MKLN1: variants seen among roughly 807,000 people sequenced by gnomAD.
The protein encoded by MKLN1 is muskelin 1.
MKLN1 carries 18 observed loss-of-function variants against 99.0 expected under a neutral mutation model. That is an observed-to-expected ratio of 0.18 (90% CI 0.13 to 0.27). The LOEUF is 0.27. Among genes scored for constraint, MKLN1 ranks in the 10% least tolerant of loss-of-function variants. The pLI is 1.00. For synonymous variants in MKLN1, 288 were observed against 293.2 expected (o/e 0.98, Z 0.18); for missense variants, 621 against 875.9 (o/e 0.71, Z 3.67).
chr7:131,305,320 G>A (rs570067774), intron 3 of MKLN1, among the ~76,000 whole-genome samples: 3 of 152,226 alleles, frequency 2.0e-5, no homozygotes, highest in African/African-American at 7.2e-5. Flanking sequence ...TGTTTGTTTT[G>A]CTTTGTTAAC....
chr7:131,471,460 A>G (rs537994948), intron 16 of MKLN1, among the ~76,000 whole-genome samples: 2 of 152,358 alleles, frequency 1.3e-5, no homozygotes, highest in African/African-American at 2.4e-5. Flanking sequence ...ATTCATCACT[A>G]GTTGCTAAGA....
In MKLN1 at chr7:131,490,670, G is replaced by A. The variant is rs1797401028; in HGVS notation, c.*2942G>A. The A allele has an allele frequency of 6.6e-6, 1 of 152,516 alleles. No homozygotes were observed. The highest frequency in any genetic ancestry group is 1.5e-5 in the Non-Finnish European group (1 of 68,000). The allele number at this position is 152,516 out of a possible 1,614,324, so 9.4% of individuals were successfully genotyped here. ...TGTCCATGTCTAATAAGTAAAAACT[G>A]ATAGAATACATTAAAAAGTCACTGG... On this transcript the variant is annotated 3_prime_UTR_variant, in exon 18 of 18. Transcript: ENST00000352689.
At chr7:131,193,287 A>T (rs1408967712) in intron 2 of MKLN1, among the ~76,000 whole-genome samples, 3 of 152,152 alleles carry the variant, frequency 2.0e-5, no homozygotes, top group Non-Finnish European at 4.4e-5. Context: ...GCAATTATTT[A>T]TCTAGGAACC....
At chr7:131,370,315 A>G (rs917693979) in intron 1 of MKLN1, among the ~76,000 whole-genome samples, 13 of 145,590 alleles carry the variant, frequency 8.9e-5, no homozygotes, top group Admixed American at 2.0e-4. Flanking sequence ...TCTCTGAGCT[A>G]TTGTTTTTTT....
intron 1 of MKLN1, among the ~76,000 whole-genome samples, chr7:131,345,175 A>C (rs1483948440): frequency 6.6e-6 from 1 of 152,210 alleles, no homozygotes; most frequent in African/African-American, 2.4e-5. Context: ...GAAGGTGGTA[A>C]AAAAAATTAG....
rs527702723 is a variant in MKLN1, at chr7:131,400,518, A to AAAAATAT, written c.703+1086_703+1087insAAATATA. The stretch of plus-strand genomic sequence containing the variant: ...TTTAAAATGCTACCAATAAAAAAAA[A>AAAAATAT]ATATATATATATATATATATATGCC... On this transcript the variant is annotated intron_variant, in intron 6 of 17. Coordinates refer to ENST00000352689, the MANE Select transcript of MKLN1 (RefSeq NM_013255.5). 3.2e-3 allele frequency among the ~76,000 whole-genome samples: 441 copies of AAAAATAT among 137,408 alleles called. 2 individuals are homozygous for AAAAATAT. Among genetic ancestry groups the AAAAATAT allele is most frequent in the African/African-American group, 1.0e-2 (356 of 35,646 alleles). 90.1% of individuals were successfully genotyped at this position (137,408 alleles called of 152,430 possible).
At chr7:131,374,397 A>G (rs1385824985) in intron 1 of MKLN1, among the ~76,000 whole-genome samples, 1 of 152,126 alleles carries the variant, frequency 6.6e-6, no homozygotes, top group Non-Finnish European at 1.5e-5. Flanking sequence ...TATTTATATT[A>G]TATTACGGTA....
At chr7:131,428,665 A>G (rs1795430253) in intron 8 of MKLN1, among the ~76,000 whole-genome samples, 2 of 152,190 alleles carry the variant, frequency 1.3e-5, no homozygotes, top group Admixed American at 1.3e-4. Flanking sequence ...GTAAATGTAA[A>G]GTTTTCAAGG....
At chr7:131,465,632 G>A (rs953972886) in intron 14 of MKLN1, among the ~76,000 whole-genome samples, 3 of 151,940 alleles carry the variant, frequency 2.0e-5, no homozygotes, top group Non-Finnish European at 4.4e-5. Context: ...TCTGCCCCCT[G>A]GGTTCACATC....
intron 3 of MKLN1, among the ~76,000 whole-genome samples, chr7:131,304,965 C>G (rs978067523): frequency 5.9e-5 from 9 of 152,266 alleles, no homozygotes; most frequent in South Asian, 4.1e-4. Flanking sequence ...TAGGCAGGCC[C>G]CCTTTTTGCC....
At chr7:131,127,503 C>T (rs146411426) in intron 1 of MKLN1, among the ~76,000 whole-genome samples, 40 of 152,256 alleles carry the variant, frequency 2.6e-4, no homozygotes, top group African/African-American at 8.9e-4. Flanking sequence ...ACAGAAGCCA[C>T]GTCACTGAAC....
rs190738052 is a variant in MKLN1, at chr7:131,402,770, G to T, written c.703+3337G>T. Among the ~76,000 whole-genome samples, 7 of 152,286 alleles carry T rather than the reference G, an allele frequency of 4.6e-5. No individual in the cohort carries two copies. In the East Asian group the frequency reaches 1.4e-3, roughly 29 times the overall value. ...GTCAGTGAGCAGTAATATTTTGAAA[G>T]AAATCTTTTTTTCTTTTTCTGAGCA... is the stretch of plus-strand genomic sequence containing the variant. On this transcript the variant is annotated intron_variant, in intron 6 of 17. Transcript: ENST00000352689.
intron 2 of MKLN1, 30 bp downstream of exon 2, chr7:131,375,523 T>A (rs913513265): frequency 7.5e-7 from 1 of 1,329,102 alleles, no homozygotes; most frequent in Non-Finnish European, 1.1e-6. Context: ...TTAATGCTGT[T>A]TAGAAGTCAC....
intron 13 of MKLN1, among the ~76,000 whole-genome samples, chr7:131,464,087 G>C (rs1411373402): frequency 2.6e-5 from 4 of 152,098 alleles, no homozygotes; most frequent in African/African-American, 9.7e-5. Context: ...TAGGATATGT[G>C]AGCTATTTAC....
At chr7:131,204,368 C>T (rs56923494) in intron 3 of MKLN1, among the ~76,000 whole-genome samples, 3,394 of 152,192 alleles carry the variant, frequency 0.022, 117 homozygotes, top group African/African-American at 0.077. Flanking sequence ...TTCTCAAGAT[C>T]AGGGATCAGG....
At position 131,414,662 on chromosome 7, in the gene MKLN1, C is replaced by T. The variant is rs748006728; in HGVS notation, c.799C>T (p.Arg267Cys). 6 of 1,608,600 alleles carry T rather than the reference C, an allele frequency of 3.7e-6. No homozygotes were observed. Among genetic ancestry groups the T allele is most frequent in the African/African-American group, 2.7e-5 (2 of 74,482 alleles). The change falls in exon 8 of 18, where the codon CGT becomes TGT. Residue 267 changes from arginine (R) to cysteine (C), a missense_variant. By Grantham distance (180) the Arg-to-Cys change is radical. Transcript: ENST00000352689. ...KSTKGDGEDN[R>C]PGMRGGHQMV... is the part of the protein sequence containing the mutation. ...TTCTAAAGGTGATGGGGAAGATAACCGTCCAGGAATGAGAGGAGGCCATCA... is the reference window on the plus strand; with the variant it reads ...TTCTAAAGGTGATGGGGAAGATAACTGTCCAGGAATGAGAGGAGGCCATCA...
intron 2 of MKLN1, among the ~76,000 whole-genome samples, chr7:131,194,806 C>G (rs1773544920): frequency 6.6e-6 from 1 of 152,170 alleles, no homozygotes; most frequent in African/African-American, 2.4e-5. Flanking sequence ...CTCATTAAAA[C>G]TGCTAAAATA....
chr7:131,440,193 C>T (rs140324951), intron 10 of MKLN1, among the ~76,000 whole-genome samples: 18 of 152,214 alleles, frequency 1.2e-4, no homozygotes, highest in African/African-American at 4.1e-4. Context: ...TGATATGTGT[C>T]AGAAAGCATT....
At position 131,388,672 on chromosome 7, in the gene MKLN1, C is replaced by A. The variant is rs12537991; in HGVS notation, c.312-212C>A. ...ATACTGAACATTTTTCATTAATCCT[C>A]GTATAATTAAGAGAATCCAGTTATA... is the stretch of plus-strand genomic sequence containing the variant. On this transcript the variant is annotated intron_variant, in intron 3 of 17. Transcript: ENST00000352689. Among the ~76,000 whole-genome samples, 8,121 of 152,196 alleles carry A rather than the reference C, an allele frequency of 0.053. 304 individuals are homozygous for A. Among genetic ancestry groups the A allele is most frequent in the Non-Finnish European group, 0.074 (5,054 of 67,996 alleles).
Sources: gnomAD v4.1 joint callset for allele counts (sites outside exome capture counted in the v4.1 genomes callset) on GRCh38, gnomAD v4.1.1 for gene constraint, MANE v1.5 for transcripts, NCBI Gene and HGNC (gene_info 2026-07-23, HGNC 2026-07-21) for gene names.